TCERG1L: variants seen among roughly 807,000 people sequenced by gnomAD.
TCERG1L encodes transcription elongation regulator 1 like, also known as transcription elongation regulator 1-like protein.
TCERG1L carries 37 observed loss-of-function variants against 56.3 expected under a neutral mutation model. The observed-to-expected ratio is 0.66, with a 90% CI of 0.51 to 0.87. The LOEUF (loss-of-function observed/expected upper bound fraction) is 0.87, where lower values mean the gene tolerates loss of function less well. TCERG1L is among the 40% of genes least tolerant of loss of function. The probability of loss-of-function intolerance (pLI) is 0.00; values close to 1 mark genes in which losing one functional copy is unlikely to be tolerated. For synonymous variants in TCERG1L, 324 were observed against 326.3 expected (o/e 0.99, Z 0.08); for missense variants, 799 against 774.2 (o/e 1.03, Z -0.38).
chr10:131,153,889 C>A (rs1169808419), intron 6 of TCERG1L, among the ~76,000 whole-genome samples: 2 of 152,134 alleles, frequency 1.3e-5, no homozygotes, highest in Non-Finnish European at 1.5e-5. Context: ...AGCTCCTGAG[C>A]CCTGGGGAAA....
chr10:131,189,095 C>T (rs759136780), intron 4 of TCERG1L, among the ~76,000 whole-genome samples: 2 of 152,142 alleles, frequency 1.3e-5, no homozygotes, highest in African/African-American at 4.8e-5. Flanking sequence ...TTAAACCCAC[C>T]CCATAGGAAA....
intron 4 of TCERG1L, among the ~76,000 whole-genome samples, chr10:131,230,965 T>C (rs1490810250): frequency 6.7e-6 from 1 of 150,360 alleles, no homozygotes; most frequent in East Asian, 1.9e-4. Context: ...TAGGGACACA[T>C]GCCCTGAGCA....
chr10:131,240,038 C>G (rs548907048), intron 4 of TCERG1L, among the ~76,000 whole-genome samples: 3 of 152,136 alleles, frequency 2.0e-5, no homozygotes, highest in African/African-American at 7.2e-5. Flanking sequence ...GGTGAAGAAG[C>G]CCTTCTCCCT....
At chr10:131,180,369 A>G (rs1845159992) in intron 4 of TCERG1L, among the ~76,000 whole-genome samples, 1 of 152,248 alleles carries the variant, frequency 6.6e-6, no homozygotes, top group Admixed American at 6.5e-5. Context: ...TCTGCAAATT[A>G]CAAACTCTAA....
intron 8 of TCERG1L, among the ~76,000 whole-genome samples, chr10:131,127,284 C>A (rs1402693879): frequency 6.6e-6 from 1 of 152,196 alleles, no homozygotes; most frequent in African/African-American, 2.4e-5. Context: ...CACCAGTGTG[C>A]GTGGGCAACT....
At chr10:131,224,110 T>C (rs1358198971) in intron 4 of TCERG1L, among the ~76,000 whole-genome samples, 1 of 152,084 alleles carries the variant, frequency 6.6e-6, no homozygotes, top group Non-Finnish European at 1.5e-5. Flanking sequence ...TCCTGTCTCC[T>C]TTCCCCCTGA....
rs1046156961 is a variant in TCERG1L, at chr10:131,112,605, C to T, written c.1395+4194G>A. ...GTGGCTGTGGCTGCTCCAGAGTCCC[C>T]GACCGTCAAAAACGCGGCAGCCCAG... is the stretch of plus-strand genomic sequence containing the variant. On this transcript the variant is annotated intron_variant, in intron 9 of 11. Coordinates refer to ENST00000368642, the MANE Select transcript of TCERG1L (RefSeq NM_174937.4). 2.8e-5 allele frequency among the ~76,000 whole-genome samples: 4 copies of T among 142,288 alleles called. 2 individuals are homozygous for T. In the East Asian group the frequency reaches 9.5e-4, roughly 34 times the overall value. The allele number at this position is 142,288 out of a possible 152,430, so 93.3% of individuals were successfully genotyped here.
chr10:131,299,344 T>C (rs1044393948), intron 3 of TCERG1L, among the ~76,000 whole-genome samples: 1 of 152,146 alleles, frequency 6.6e-6, no homozygotes, highest in African/African-American at 2.4e-5. Flanking sequence ...AAATATTTGT[T>C]CCAACTTTAT....
intron 8 of TCERG1L, among the ~76,000 whole-genome samples, chr10:131,132,457 CTG>C (rs1405962189): frequency 1.3e-5 from 2 of 152,226 alleles, no homozygotes; most frequent in African/African-American, 4.8e-5. Context: ...CTGTTGGGAA[CTG>C]AGGCCAGTCC....
intron 4 of TCERG1L, among the ~76,000 whole-genome samples, chr10:131,211,542 C>T (rs1293528183): frequency 6.6e-6 from 1 of 152,236 alleles, no homozygotes; most frequent in African/African-American, 2.4e-5. Flanking sequence ...CCATCCACAT[C>T]CTGGGACAAG....
At chr10:131,175,578 T>C (rs1846139330) in intron 4 of TCERG1L, among the ~76,000 whole-genome samples, 1 of 152,230 alleles carries the variant, frequency 6.6e-6, no homozygotes, top group Non-Finnish European at 1.5e-5. Flanking sequence ...GTGTGTTTAA[T>C]GAGTAAATGA....
intron 3 of TCERG1L, among the ~76,000 whole-genome samples, chr10:131,305,917 ATATT>A (rs1008401437): frequency 2.7e-5 from 4 of 150,732 alleles, no homozygotes; most frequent in African/African-American, 2.5e-5. Flanking sequence ...TTTATAATAT[ATATT>A]TGTGATACAA....
intron 6 of TCERG1L, chr10:131,161,373 C>CTT (rs1229334155): frequency 2.0e-5 from 3 of 152,202 alleles, no homozygotes; most frequent in Non-Finnish European, 4.4e-5. Context: ...GATGCCACTG[C>CTT]CTAAGGATGC....
At chr10:131,153,397 C>T (rs553629892) in intron 6 of TCERG1L, among the ~76,000 whole-genome samples, 87 of 152,224 alleles carry the variant, frequency 5.7e-4, no homozygotes, top group Non-Finnish European at 1.0e-3. Flanking sequence ...ACCCTAAGCC[C>T]CGCGTGCTCA....
At chr10:131,252,232 T>C (rs2944504) in intron 4 of TCERG1L, among the ~76,000 whole-genome samples, 32,283 of 152,164 alleles carry the variant, frequency 0.21, 3,641 homozygotes, top group African/African-American at 0.28. Context: ...GGTGCACAGA[T>C]AGCTGTTTGA....
intron 7 of TCERG1L, among the ~76,000 whole-genome samples, chr10:131,144,930 G>T (rs1056925151): frequency 2.0e-5 from 3 of 152,216 alleles, no homozygotes; most frequent in African/African-American, 7.2e-5. Flanking sequence ...CCCAGTGGGG[G>T]CGTTTGCAGA....
intron 4 of TCERG1L, among the ~76,000 whole-genome samples, chr10:131,175,676 G>C (rs1846140292): frequency 6.6e-6 from 1 of 152,200 alleles, no homozygotes; most frequent in African/African-American, 2.4e-5. Flanking sequence ...AAGCAAAAGA[G>C]ACATATTAAA....
chr10:131,297,338 T>C (rs1846709402), intron 3 of TCERG1L, among the ~76,000 whole-genome samples: 1 of 152,192 alleles, frequency 6.6e-6, no homozygotes, highest in Non-Finnish European at 1.5e-5. Context: ...AATAAACTTA[T>C]TACTTCCCTT....
intron 3 of TCERG1L, among the ~76,000 whole-genome samples, chr10:131,292,685 C>T (rs1846643018): frequency 6.6e-6 from 1 of 152,150 alleles, no homozygotes; most frequent in East Asian, 1.9e-4. Flanking sequence ...TGTGCAGCTG[C>T]CACATCGTGG....
Sources: allele counts gnomAD v4.1 joint callset (sites outside exome capture counted in the v4.1 genomes callset), GRCh38; gene constraint gnomAD v4.1.1; transcripts MANE v1.5; gene names NCBI Gene and HGNC (gene_info 2026-07-23, HGNC 2026-07-21).